Variants in SLC1A6 observed in about 807,000 individuals in gnomAD.
SLC1A6 encodes the protein excitatory amino acid transporter 4.
In SLC1A6, 15 loss-of-function variants were observed where a neutral mutation model predicts 42.1. The observed-to-expected ratio is 0.36, with a 90% CI of 0.24 to 0.55. The LOEUF is 0.55. SLC1A6 is among the 20% of genes least tolerant of loss of function. The probability of loss-of-function intolerance (pLI) is 0.88; values close to 1 mark genes in which losing one functional copy is unlikely to be tolerated. For synonymous variants in SLC1A6, 317 were observed against 319.7 expected (o/e 0.99, Z 0.09); for missense variants, 542 against 772.5 (o/e 0.70, Z 3.54).
intron 1 of SLC1A6, 197 bp from the exon 2 acceptor site, chr19:14,973,114 T>C (rs1319319424): frequency 3.5e-6 from 2 of 575,854 alleles, no homozygotes; most frequent in Non-Finnish European, 6.1e-6. Context: ...CGCCCAGGAG[T>C]TCAAGACTGG....
chr19:14,995,442 T>G (rs8113237), intron 1 of SLC1A6, among the ~76,000 whole-genome samples: 23,372 of 151,066 alleles, frequency 0.15, 2,597 homozygotes, highest in East Asian at 0.47. Flanking sequence ...CTTGGGTGGT[T>G]GAGGAGATGT....
At chr19:14,980,720 G>C (rs1411401539), upstream of SLC1A6, among the ~76,000 whole-genome samples, 1 of 151,146 alleles carries the variant, frequency 6.6e-6, no homozygotes, top group Non-Finnish European at 1.5e-5. Context: ...TGTTGATGAA[G>C]TGTTGATGGC....
At chr19:14,958,582 G>A (rs1484401854) in intron 6 of SLC1A6, among the ~76,000 whole-genome samples, 2 of 151,982 alleles carry the variant, frequency 1.3e-5, no homozygotes, top group Non-Finnish European at 2.9e-5. Flanking sequence ...GTTAGCCCTG[G>A]GGAGTAGTTG....
chr19:15,001,346 C>T (rs1054396714), intron 1 of SLC1A6, among the ~76,000 whole-genome samples: 1 of 152,070 alleles, frequency 6.6e-6, no homozygotes, highest in Non-Finnish European at 1.5e-5. Context: ...GAGAAGAGTT[C>T]TTTAAGAGAT....
intron 9 of SLC1A6, among the ~76,000 whole-genome samples, chr19:14,951,971 C>T (rs1028666257): frequency 1.7e-5 from 2 of 118,636 alleles, no homozygotes; most frequent in African/African-American, 3.1e-5. Flanking sequence ...CGCCACCACA[C>T]CCAGCTAATT....
At position 14,972,906 on chromosome 19, in the gene SLC1A6, C is replaced by T. The variant is rs201428414; in HGVS notation, c.5G>A (p.Ser2Asn). 1,312 of 1,579,868 alleles carry T rather than the reference C, an allele frequency of 8.3e-4. 1 individual carries two copies. The highest frequency in any genetic ancestry group is 1.0e-3 in the Non-Finnish European group (1,200 of 1,162,650). Residue 2 changes from serine to asparagine, a missense_variant, in exon 2 of 10, where the codon AGC becomes AAC. By Grantham distance (46) the Ser-to-Asn change is conservative. Coordinates refer to ENST00000594383, the MANE Select transcript of SLC1A6 (RefSeq NM_005071.3). M[S>N]SHGNSLFLRE... ...CAGGAACAGGCTGTTGCCATGGCTG[C>T]TCATGGTCTATCTGCGGGAAACAGA...
chr19:14,950,619 T>C (rs1290635874), intron 9 of SLC1A6, among the ~76,000 whole-genome samples: 2 of 152,098 alleles, frequency 1.3e-5, no homozygotes, highest in African/African-American at 4.8e-5. Flanking sequence ...TTAGATGTGA[T>C]ATTTTTTAAA....
chr19:14,956,436 G>A, intron 7 of SLC1A6, 40 bp downstream of exon 7: 2 of 1,365,030 alleles, frequency 1.5e-6, no homozygotes, highest in South Asian at 1.4e-5. Flanking sequence ...GACAAGAAGT[G>A]CAACCAGGAA....
chr19:14,975,896 A>AATGGGGAAGGGAAGGG (rs148123004), intron 1 of SLC1A6, among the ~76,000 whole-genome samples: 1 of 84,292 alleles, frequency 1.2e-5, no homozygotes, highest in African/African-American at 4.9e-5. Flanking sequence ...GAAGGGAAGG[A>AATGGGGAAGGGAAGGG]AAGGGAAGGG....
chr19:14,994,358 C>T lies in SLC1A6; in HGVS notation c.6+16127G>A, dbSNP rs935731806. ...GCACAAGGTCCTGGCTGGCAGCCCC[C>T]TCTAGGTTCCAGTAGTAACAGCTCC... On this transcript the variant is annotated intron_variant, in intron 1 of 8. Transcript: ENST00000430939. 7.2e-5 allele frequency among the ~76,000 whole-genome samples: 11 copies of T among 152,244 alleles called. 1 individual carries two copies. The highest frequency in any genetic ancestry group is 2.6e-4 in the African/African-American group (11 of 41,522).
chr19:14,998,003 T>TGTGTGTG lies in SLC1A6; in HGVS notation c.6+12481_6+12482insCACACAC, dbSNP rs1568301469. On this transcript the variant is annotated intron_variant, in intron 1 of 8. Coordinates refer to the SLC1A6 transcript ENST00000430939. ...ATATTTATGATGTACAATATGATGT[T>TGTGTGTG]TGTGTGTGTGTGTGTGTGTATGCAC... 2.0e-3 allele frequency among the ~76,000 whole-genome samples: 278 copies of TGTGTGTG among 140,526 alleles called. 2 individuals are homozygous for TGTGTGTG. Among genetic ancestry groups the TGTGTGTG allele is most frequent in the Middle Eastern group, 7.1e-3 (2 of 280 alleles). 92.2% of individuals were successfully genotyped at this position (140,526 alleles called of 152,430 possible). A position where few individuals can be genotyped will look rare whatever the true frequency, so the allele number is the denominator to read the frequency against.
chr19:14,970,276 G>A (rs761071773), intron 3 of SLC1A6, among the ~76,000 whole-genome samples: 4 of 151,940 alleles, frequency 2.6e-5, no homozygotes, highest in Non-Finnish European at 4.4e-5. Context: ...TCACTGTGTT[G>A]CCCAGGCTGA....
chr19:14,962,645 C>T (rs2045528024), intron 5 of SLC1A6, among the ~76,000 whole-genome samples: 1 of 152,190 alleles, frequency 6.6e-6, no homozygotes, highest in Non-Finnish European at 1.5e-5. Flanking sequence ...TGGCTCACGC[C>T]TGTAATCCCA....
chr19:14,954,112 A>C, intron 8 of SLC1A6, 23 bp downstream of exon 8: 1 of 1,535,298 alleles, frequency 6.5e-7, no homozygotes, highest in Non-Finnish European at 8.8e-7. Context: ...ACCTGCTGGC[A>C]GGTCCTACCC....
intron 7 of SLC1A6, among the ~76,000 whole-genome samples, chr19:14,956,054 G>A (rs1358333607): frequency 6.6e-6 from 1 of 152,100 alleles, no homozygotes; most frequent in African/African-American, 2.4e-5. Context: ...AAGAAGAGGA[G>A]GAGGAAGAGG....
At position 14,952,960 on chromosome 19, in the gene SLC1A6, G is replaced by A; in HGVS notation, c.1467C>T (p.Asp489=). 4.3e-6 allele frequency: 7 copies of A among 1,614,086 alleles called. No homozygotes were observed. The highest frequency in any genetic ancestry group is 1.1e-5 in the South Asian group (1 of 91,072). ...VLTSVGLPTE[D]ITLIIAVDWF... Reference sequence around the variant, plus strand: ...AGTCCACGGCAATGATGAGCGTGATGTCTTCCGTGGGCAAGCCGACCGACG... The same window carrying A: ...AGTCCACGGCAATGATGAGCGTGATATCTTCCGTGGGCAAGCCGACCGACG... Residue 489 remains aspartate (D), a synonymous_variant, in exon 9 of 10, where the codon GAC becomes GAT. Transcript: ENST00000594383.
chr19:15,006,656 G>C (rs943149994), intron 1 of SLC1A6, among the ~76,000 whole-genome samples: 2 of 151,218 alleles, frequency 1.3e-5, no homozygotes, highest in Admixed American at 6.6e-5. Context: ...AGGCACGGTG[G>C]CTCATGCCTG....
At chr19:15,006,422 T>C (rs2145245811) in intron 1 of SLC1A6, among the ~76,000 whole-genome samples, 1 of 152,270 alleles carries the variant, frequency 6.6e-6, no homozygotes, top group African/African-American at 2.4e-5. Flanking sequence ...TAACCCCATA[T>C]TCCCAAGCCT....
At position 14,950,095 on chromosome 19, in the gene SLC1A6, G is replaced by A. The variant is rs894953411; in HGVS notation, c.*100C>T. 1.6e-5 allele frequency: 12 copies of A among 769,840 alleles called. No individual in the cohort carries two copies. Among genetic ancestry groups the A allele is most frequent in the East Asian group, 1.2e-4 (4 of 34,488 alleles). 47.7% of individuals were successfully genotyped at this position (769,840 alleles called of 1,614,324 possible). On this transcript the variant is annotated 3_prime_UTR_variant, in exon 10 of 10. Coordinates refer to ENST00000594383, the MANE Select transcript of SLC1A6 (RefSeq NM_005071.3). ...CCCCCCTAAATGAGTCAAGCAGAAC[G>A]TGTGTTCAGCCCACGGTCAGTTGGG...
Sources: allele counts gnomAD v4.1 joint callset (sites outside exome capture counted in the v4.1 genomes callset), GRCh38; gene constraint gnomAD v4.1.1; transcripts MANE v1.5; gene names NCBI Gene and HGNC (gene_info 2026-07-23, HGNC 2026-07-21).